Variants in CIT observed in about 807,000 individuals in gnomAD.
CIT encodes citron rho-interacting serine/threonine kinase.
Under a neutral mutation model 272.7 loss-of-function variants are expected in CIT, and 79 were observed. That is an observed-to-expected ratio of 0.29 (90% CI 0.24 to 0.35). CIT has a LOEUF of 0.35. Ranked by LOEUF, CIT falls within the 10% of genes least tolerant of loss-of-function variation. The pLI is 1.00. For synonymous variants in CIT, 948 were observed against 995.6 expected (o/e 0.95, Z 0.90); for missense variants, 1,909 against 2,618.3 (o/e 0.73, Z 5.91).
Position 119,703,741 on chromosome 12 carries a change from G to C in CIT, c.5304+622C>G, listed in dbSNP as rs926999333. On this transcript the variant is annotated intron_variant, in intron 41 of 47. Transcript: ENST00000392521. ...ATGCCCAGCCTCATTTCATTTTTGA[G>C]ACTAATCATGAAAGCACCAGAAATA... is the stretch of plus-strand genomic sequence containing the variant. 3.9e-5 allele frequency among the ~76,000 whole-genome samples: 6 copies of C among 152,070 alleles called. 1 individual carries two copies. The highest frequency in any genetic ancestry group is 2.1e-4 in the South Asian group (1 of 4,820).
chr12:119,701,992 A>C (rs1484426020), intron 41 of CIT, 34 bp from the exon 42 acceptor site: 2 of 1,528,956 alleles, frequency 1.3e-6, no homozygotes, highest in Non-Finnish European at 1.8e-6. Context: ...AGGATGTGAG[A>C]GGTAACACAG....
rs3999585 is a variant in CIT at position 119,774,558 on chromosome 12, A to ATGTG, written c.1941+1224_1941+1227dup. Among the ~76,000 whole-genome samples, 789 of 150,612 alleles carry ATGTG rather than the reference A, an allele frequency of 5.2e-3. 2 individuals are homozygous for ATGTG. The highest frequency in any genetic ancestry group is 8.2e-3 in the African/African-American group (337 of 41,178). ...TTGACTTAATCATTTCACAATGTAT[A>ATGTG]TGTGTGTGTGTGTGTGTGTGTGTGT... is the stretch of plus-strand genomic sequence containing the variant. On this transcript the variant is annotated intron_variant, in intron 16 of 47. Transcript: ENST00000392521.
At chr12:119,693,235 G>A in intron 46 of CIT, among the ~76,000 whole-genome samples, 2 of 152,120 alleles carry the variant, frequency 1.3e-5, no homozygotes. Context: ...TCAATTTTAT[G>A]GTTTTTTGGC....
chr12:119,873,272 T>C (rs1950738308), intron 2 of CIT, among the ~76,000 whole-genome samples: 1 of 151,102 alleles, frequency 6.6e-6, no homozygotes, highest in Non-Finnish European at 1.5e-5. Flanking sequence ...CCTTTTCTTT[T>C]TTTTTTTTTT....
At chr12:119,763,214 C>T (rs1202336216) in intron 19 of CIT, among the ~76,000 whole-genome samples, 2 of 14,498 alleles carry the variant, frequency 1.4e-4, no homozygotes, top group African/African-American at 1.1e-3. Context: ...TAGAATATGG[C>T]TTTTGGTAGG....
Position 119,710,685 on chromosome 12 carries a change from C to G in CIT, c.4855-65G>C. ...TGAGGCTGATCTGTTTATGACCAAACCATCCAGAGAAACCAAGAGAAGGTT... is the reference window on the plus strand; with the variant it reads ...TGAGGCTGATCTGTTTATGACCAAAGCATCCAGAGAAACCAAGAGAAGGTT... On this transcript the variant is annotated intron_variant, in intron 37 of 47. Coordinates refer to ENST00000392521, the MANE Select transcript of CIT (RefSeq NM_001206999.2). The surrounding 1 kb of genome is among the most constrained non-coding windows in gnomAD (Gnocchi z 5.6). The G allele has an allele frequency of 2.0e-6, 3 of 1,463,452 alleles. No homozygotes were observed. The allele number at this position is 1,463,452 out of a possible 1,614,324, so 90.7% of individuals were successfully genotyped here.
intron 9 of CIT, among the ~76,000 whole-genome samples, chr12:119,822,144 T>C (rs915568854): frequency 1.7e-4 from 26 of 152,324 alleles, no homozygotes; most frequent in African/African-American, 6.3e-4. Flanking sequence ...GTAGAACACA[T>C]TCAATCAACA....
intron 25 of CIT, 140 bp downstream of exon 25, chr12:119,735,020 G>A: frequency 1.3e-6 from 1 of 773,138 alleles, no homozygotes. Context: ...CTAAAGGCTT[G>A]GAAAAAAGAC....
Position 119,815,581 on chromosome 12 carries a change from C to T in CIT, c.1111+7239G>A, listed in dbSNP as rs141689198. Among the ~76,000 whole-genome samples the T allele has an allele frequency of 6.2e-3, 942 of 152,138 alleles. 10 individuals carry two copies. The highest frequency in any genetic ancestry group is 0.022 in the African/African-American group (906 of 41,496). On this transcript the variant is annotated intron_variant, in intron 9 of 47. Transcript: ENST00000392521. The stretch of plus-strand genomic sequence containing the variant: ...ATTAGCCAAGCATAGTGGCGCATGC[C>T]TGTAATCCCAGCTACTCGGGAGGCT...
intron 5 of CIT, among the ~76,000 whole-genome samples, chr12:119,838,129 G>A (rs944811358): frequency 2.0e-5 from 3 of 152,134 alleles, no homozygotes; most frequent in Non-Finnish European, 4.4e-5. Context: ...CTGGAGTGCA[G>A]TGCCACGATC....
At chr12:119,855,545 C>A (rs987339725) in intron 4 of CIT, among the ~76,000 whole-genome samples, 7 of 151,754 alleles carry the variant, frequency 4.6e-5, no homozygotes. Flanking sequence ...AGAACAGCAT[C>A]CCTCCCTCCT....
chr12:119,687,896 G>A lies in CIT; in HGVS notation c.*336C>T, dbSNP rs1311925117. The stretch of plus-strand genomic sequence containing the variant: ...AGCTAATTAGGATTCTAACCATGTT[G>A]TAGTTAGCATCCCGGTTGGTTTCCT... On this transcript the variant is annotated 3_prime_UTR_variant, in exon 48 of 48. Transcript: ENST00000392521. 1 of 277,254 alleles carries A rather than the reference G, an allele frequency of 3.6e-6. No individual in the cohort carries two copies. Among genetic ancestry groups the A allele is most frequent in the East Asian group, 6.4e-5 (1 of 15,694 alleles). The allele number at this position is 277,254 out of a possible 1,614,324, so 17.2% of individuals were successfully genotyped here. A position where few individuals can be genotyped will look rare whatever the true frequency, so the allele number is the denominator to read the frequency against.
At chr12:119,783,887 G>A in intron 12 of CIT, 21 bp downstream of exon 12, 3 of 1,549,526 alleles carry the variant, frequency 1.9e-6, no homozygotes, top group Non-Finnish European at 2.6e-6. Context: ...CCAAGGGAAG[G>A]GGGCTTCAGG....
chr12:119,765,835 TA>T, intron 19 of CIT, among the ~76,000 whole-genome samples: 1 of 151,762 alleles, frequency 6.6e-6, no homozygotes, highest in Non-Finnish European at 1.5e-5. Context: ...AGTAAAATTG[TA>T]AAGAAAAAGC....
In CIT at chr12:119,745,208, TA is replaced by T. The variant is rs1239472445; in HGVS notation, c.2905-2745del. 2.1e-3 allele frequency among the ~76,000 whole-genome samples: 227 copies of T among 108,366 alleles called. 1 individual carries two copies. The highest frequency in any genetic ancestry group is 5.4e-3 in the Middle Eastern group (1 of 186). The allele number at this position is 108,366 out of a possible 152,430, so 71.1% of individuals were successfully genotyped here. A position where few individuals can be genotyped will look rare whatever the true frequency, so the allele number is the denominator to read the frequency against. ...AAGTCCAATAATAAAAAGAAAATCTTAAAAAAAAAAAAAACAGCCAGAGAAA... is the reference window on the plus strand; with the variant it reads ...AAGTCCAATAATAAAAAGAAAATCTTAAAAAAAAAAAAACAGCCAGAGAAA... On this transcript the variant is annotated intron_variant, in intron 23 of 47. Coordinates refer to ENST00000392521, the MANE Select transcript of CIT (RefSeq NM_001206999.2).
chr12:119,837,968 C>T (rs1378106059), intron 5 of CIT, among the ~76,000 whole-genome samples: 4 of 152,226 alleles, frequency 2.6e-5, no homozygotes, highest in South Asian at 4.1e-4. Flanking sequence ...GAGTGCCTAT[C>T]GTGCCAGCCA....
chr12:119,831,884 A>C (rs967084755), intron 7 of CIT, among the ~76,000 whole-genome samples: 1 of 152,170 alleles, frequency 6.6e-6, no homozygotes, highest in African/African-American at 2.4e-5. Flanking sequence ...AAAAAGAAAA[A>C]AGAAAAAGAA....
At position 119,728,389 on chromosome 12, in the gene CIT, T is replaced by C; in HGVS notation, c.3591+113A>G. 2 of 685,430 alleles carry C rather than the reference T, an allele frequency of 2.9e-6. No homozygotes were observed. Among genetic ancestry groups the C allele is most frequent in the Non-Finnish European group, 5.2e-6 (2 of 387,196 alleles). 42.5% of individuals were successfully genotyped at this position (685,430 alleles called of 1,614,324 possible). A position where few individuals can be genotyped will look rare whatever the true frequency, so the allele number is the denominator to read the frequency against. ...GGAGACAGGGAGTATGTGGGAACTC[T>C]CTGTGCTTTCTGCTCAATTTTGCTG... On this transcript the variant is annotated intron_variant, in intron 28 of 47. Coordinates refer to ENST00000392521, the MANE Select transcript of CIT (RefSeq NM_001206999.2). The surrounding 1 kb of genome is among the most constrained non-coding windows in gnomAD (Gnocchi z 4.3).
At chr12:119,725,475 G>C (rs913012668) in intron 28 of CIT, among the ~76,000 whole-genome samples, 1 of 152,110 alleles carries the variant, frequency 6.6e-6, no homozygotes, top group Non-Finnish European at 1.5e-5. Context: ...CCTACGAAGA[G>C]GATACTTAGG....
Sources: allele counts gnomAD v4.1 joint callset (sites outside exome capture counted in the v4.1 genomes callset), GRCh38; gene constraint gnomAD v4.1.1; non-coding constraint Gnocchi (gnomAD v3.1); transcripts MANE v1.5; gene names NCBI Gene and HGNC (gene_info 2026-07-23, HGNC 2026-07-21).